The following DSCAM variants were observed in gnomAD, a reference collection of about 807,000 sequenced individuals.
DSCAM encodes cell adhesion molecule DSCAM.
Under a neutral mutation model 217.7 loss-of-function variants are expected in DSCAM, and 47 were observed. The ratio of observed to expected loss-of-function variants is 0.22; its 90% CI spans 0.17 to 0.28. DSCAM has a LOEUF of 0.28. Among genes scored for constraint, DSCAM ranks in the 10% least tolerant of loss-of-function variants. The pLI, the probability that DSCAM is intolerant of heterozygous loss-of-function variation, is 1.00. For missense variants in DSCAM, 2,080 were observed against 2,618.3 expected, an observed-to-expected ratio of 0.79 and a Z score of 4.49; for synonymous variants, 1,056 against 1,015.3, an observed-to-expected ratio of 1.04 and a Z score of -0.76.
chr21:40,837,649 C>A (rs1327056574), intron 1 of DSCAM, among the ~76,000 whole-genome samples: 1 of 152,228 alleles, frequency 6.6e-6, no homozygotes, highest in East Asian at 1.9e-4. Context: ...AAGGAGGATT[C>A]TGTCTGTTAG....
Position 40,012,488 on chromosome 21 carries a change from AC to A in DSCAM, c.*545del, listed in dbSNP as rs1161768569. 4 of 152,262 alleles carry A rather than the reference AC, an allele frequency of 2.6e-5. No homozygotes were observed. The highest frequency in any genetic ancestry group is 9.6e-5 in the African/African-American group (4 of 41,468). The allele number at this position is 152,262 out of a possible 1,614,324, so 9.4% of individuals were successfully genotyped here. ...AGTGTCTCATTAAATTAAAAAAGAA[AC>A]AAGAGAGAAAACCAAATTGATTCCC... On this transcript the variant is annotated 3_prime_UTR_variant, in exon 33 of 33. Transcript: ENST00000400454.
chr21:40,581,513 A>G (rs2076905535), intron 3 of DSCAM, among the ~76,000 whole-genome samples: 1 of 152,194 alleles, frequency 6.6e-6, no homozygotes, highest in South Asian at 2.1e-4. Flanking sequence ...CTTATTCCAA[A>G]GTTCATAATC....
chr21:40,762,593 T>A (rs111400175), intron 1 of DSCAM, among the ~76,000 whole-genome samples: 44,941 of 152,032 alleles, frequency 0.3, 7,683 homozygotes, highest in East Asian at 0.4. Flanking sequence ...AAAAAGGGAC[T>A]CCTCCCTAAC....
At chr21:40,611,038 C>T (rs1319754421) in intron 3 of DSCAM, among the ~76,000 whole-genome samples, 3 of 149,248 alleles carry the variant, frequency 2.0e-5, no homozygotes, top group Non-Finnish European at 4.5e-5. Context: ...TAAAAAGAAA[C>T]AGGTGAAATT....
chr21:40,493,576 A>G (rs1049546619), intron 3 of DSCAM, among the ~76,000 whole-genome samples: 1 of 152,094 alleles, frequency 6.6e-6, no homozygotes, highest in African/African-American at 2.4e-5. Context: ...AAAAATAGAA[A>G]ACTGGCTGGG....
intron 11 of DSCAM, among the ~76,000 whole-genome samples, chr21:40,238,068 A>C (rs920890541): frequency 6.6e-6 from 1 of 152,192 alleles, no homozygotes; most frequent in African/African-American, 2.4e-5. Context: ...AGAAAAATTG[A>C]ATCAGATATG....
chr21:40,272,089 T>A (rs982267458), intron 11 of DSCAM, among the ~76,000 whole-genome samples: 4 of 150,100 alleles, frequency 2.7e-5, no homozygotes, highest in Admixed American at 6.6e-5. Context: ...TTTTTTTTTT[T>A]AACATAAAGT....
intron 3 of DSCAM, among the ~76,000 whole-genome samples, chr21:40,388,144 G>A (rs897651316): frequency 2.6e-5 from 2 of 76,560 alleles, no homozygotes; most frequent in Non-Finnish European, 4.7e-5. Context: ...GATAAGAACC[G>A]ACAGTTTGCC....
Position 40,492,723 on chromosome 21 carries a change from A to G in DSCAM, c.509-123478T>C, listed in dbSNP as rs536697388. Among the ~76,000 whole-genome samples, 18 of 152,262 alleles carry G rather than the reference A, an allele frequency of 1.2e-4. No homozygotes were observed. The South Asian group carries it at 3.7e-3, about 32-fold the overall frequency. ...ATGAGAAAATTTGAAGAAAGTATAC[A>G]TGGAATTATATGACCAATTCAAGAA... On this transcript the variant is annotated intron_variant, in intron 3 of 32. Coordinates refer to ENST00000400454, the MANE Select transcript of DSCAM (RefSeq NM_001389.5).
chr21:40,682,223 G>A (rs1409137284), intron 3 of DSCAM, among the ~76,000 whole-genome samples: 6 of 152,126 alleles, frequency 3.9e-5, no homozygotes, highest in Non-Finnish European at 8.8e-5. Context: ...AGGACCAGGA[G>A]AGAAGGCAGG....
chr21:40,696,222 T>C (rs746473487), intron 2 of DSCAM, among the ~76,000 whole-genome samples: 9 of 152,154 alleles, frequency 5.9e-5, no homozygotes, highest in Non-Finnish European at 8.8e-5. Flanking sequence ...GACAGCACTG[T>C]GGTGCTCTGA....
At chr21:40,127,307 G>A (rs1019214243) in intron 19 of DSCAM, among the ~76,000 whole-genome samples, 1 of 152,214 alleles carries the variant, frequency 6.6e-6, no homozygotes, top group Non-Finnish European at 1.5e-5. Context: ...ACCAGACACT[G>A]AGAGTTGCAG....
At chr21:40,128,012 A>T (rs1340739317) in intron 19 of DSCAM, among the ~76,000 whole-genome samples, 2 of 151,652 alleles carry the variant, frequency 1.3e-5, no homozygotes, top group Non-Finnish European at 2.9e-5. Flanking sequence ...CTCAGGTTCT[A>T]GCACACGTCA....
intron 3 of DSCAM, among the ~76,000 whole-genome samples, chr21:40,439,158 T>C (rs983786120): frequency 8.5e-5 from 13 of 152,222 alleles, no homozygotes; most frequent in African/African-American, 3.1e-4. Context: ...TATTACCTCC[T>C]GTATCATGGA....
At chr21:40,748,133 A>ACTTCATT (rs1406454094) in intron 1 of DSCAM, among the ~76,000 whole-genome samples, 3 of 151,942 alleles carry the variant, frequency 2.0e-5, no homozygotes, top group Non-Finnish European at 4.4e-5. Context: ...ACAGTTGAAA[A>ACTTCATT]CTTCATTTCT....
chr21:40,154,213 C>T lies in DSCAM; in HGVS notation c.3019-9482G>A, dbSNP rs185282229. On this transcript the variant is annotated intron_variant, in intron 16 of 32. Coordinates refer to ENST00000400454, the MANE Select transcript of DSCAM (RefSeq NM_001389.5). ...CCTTCCTTCCTTCCTCCCTTCCTTT[C>T]CTTCCTTCCTCCCTTCCTTTCCTTC... Among the ~76,000 whole-genome samples, 729 of 151,406 alleles carry T rather than the reference C, an allele frequency of 4.8e-3. 6 individuals carry two copies. The highest frequency in any genetic ancestry group is 5.9e-3 in the Non-Finnish European group (403 of 67,776).
intron 20 of DSCAM, among the ~76,000 whole-genome samples, chr21:40,111,187 G>C (rs2089894697): frequency 1.3e-5 from 2 of 152,220 alleles, no homozygotes; most frequent in African/African-American, 2.4e-5. Context: ...TACCCACAAA[G>C]GAAAGCCTAT....
intron 3 of DSCAM, among the ~76,000 whole-genome samples, chr21:40,688,061 T>C (rs1487886380): frequency 1.3e-5 from 2 of 152,220 alleles, no homozygotes; most frequent in Non-Finnish European, 2.9e-5. Context: ...CTGAACTCAA[T>C]GATCCTAAGA....
intron 16 of DSCAM, among the ~76,000 whole-genome samples, chr21:40,146,693 T>G (rs537831108): frequency 6.6e-6 from 1 of 152,166 alleles, no homozygotes; most frequent in African/African-American, 2.4e-5. Context: ...AGTGAAACAG[T>G]CGCGTAAACC....
Sources: gnomAD v4.1 joint callset for allele counts (sites outside exome capture counted in the v4.1 genomes callset) on GRCh38, gnomAD v4.1.1 for gene constraint, MANE v1.5 for transcripts, NCBI Gene and HGNC (gene_info 2026-07-23, HGNC 2026-07-21) for gene names.